MACROD2: variants seen among roughly 807,000 people sequenced by gnomAD.
MACROD2 encodes the protein mono-ADP ribosylhydrolase 2, also known as ADP-ribose glycohydrolase MACROD2.
In MACROD2, 36 loss-of-function variants were observed where a neutral mutation model predicts 70.4. The ratio of observed to expected loss-of-function variants is 0.51; its 90% CI spans 0.39 to 0.68. The LOEUF is 0.68. Ranked by LOEUF, MACROD2 falls within the 30% of genes least tolerant of loss-of-function variation. The pLI is 0.00. For missense variants in MACROD2, 496 were observed against 538.4 expected (o/e 0.92, Z 0.78); for synonymous variants, 172 against 178.8 (o/e 0.96, Z 0.30).
intron 4 of MACROD2, among the ~76,000 whole-genome samples, chr20:14,587,721 T>C (rs1981478445): frequency 1.6e-5 from 2 of 124,070 alleles, no homozygotes; most frequent in African/African-American, 2.6e-5. Flanking sequence ...TTTATAATGT[T>C]GGACTATCCC....
intron 4 of MACROD2, among the ~76,000 whole-genome samples, chr20:14,527,224 C>T (rs2085244125): frequency 6.6e-6 from 1 of 152,136 alleles, no homozygotes; most frequent in South Asian, 2.1e-4. Context: ...CTGATGTGCT[C>T]CTCTCCATAT....
chr20:15,827,641 AG>A (rs1417199899), intron 8 of MACROD2, among the ~76,000 whole-genome samples: 1 of 152,076 alleles, frequency 6.6e-6, no homozygotes, highest in Non-Finnish European at 1.5e-5. Context: ...GATGGGGTTG[AG>A]GGGGGACTTT....
chr20:15,465,104 T>C (rs115469235), intron 7 of MACROD2, among the ~76,000 whole-genome samples: 1,775 of 152,268 alleles, frequency 0.012, 33 homozygotes, highest in African/African-American at 0.04. Context: ...CAATACTCTA[T>C]ATAGGTAGAG....
chr20:14,036,952 G>A (rs2053319765), intron 2 of MACROD2, among the ~76,000 whole-genome samples: 1 of 152,318 alleles, frequency 6.6e-6, no homozygotes, highest in South Asian at 2.1e-4. Flanking sequence ...GCGTTTTGTG[G>A]TAAAGTTACA....
At chr20:14,334,445 T>C (rs1197387668) in intron 3 of MACROD2, among the ~76,000 whole-genome samples, 2 of 152,330 alleles carry the variant, frequency 1.3e-5, no homozygotes, top group Non-Finnish European at 2.9e-5. Flanking sequence ...TCCCTTTTTA[T>C]GCTCTGAAGA....
intron 10 of MACROD2, among the ~76,000 whole-genome samples, chr20:15,907,170 G>C (rs1278840705): frequency 6.6e-6 from 1 of 152,208 alleles, no homozygotes; most frequent in Non-Finnish European, 1.5e-5. Flanking sequence ...TCTTTTAGTA[G>C]AGAAGCGTAT....
At chr20:14,919,870 C>A (rs1161108366) in intron 5 of MACROD2, among the ~76,000 whole-genome samples, 2 of 152,196 alleles carry the variant, frequency 1.3e-5, no homozygotes, top group Non-Finnish European at 2.9e-5. Context: ...TGCCGTGGCC[C>A]CATTAGCCCC....
At chr20:14,966,260 C>T (rs562780646) in intron 5 of MACROD2, among the ~76,000 whole-genome samples, 364 of 152,200 alleles carry the variant, frequency 2.4e-3, no homozygotes, top group African/African-American at 8.3e-3. Flanking sequence ...GTAAAGCATG[C>T]TAATCTTAAG....
intron 7 of MACROD2, among the ~76,000 whole-genome samples, chr20:15,476,498 G>A (rs1393450506): frequency 1.3e-5 from 2 of 152,118 alleles, no homozygotes; most frequent in Non-Finnish European, 2.9e-5. Context: ...TGATGATGTG[G>A]CCTCTCCTGA....
At chr20:15,782,274 C>T (rs778048932) in intron 8 of MACROD2, among the ~76,000 whole-genome samples, 2 of 152,066 alleles carry the variant, frequency 1.3e-5, no homozygotes, top group Non-Finnish European at 2.9e-5. Context: ...ATGTCTGTTG[C>T]TGTTTAACAA....
chr20:15,635,881 A>G (rs978228927), intron 8 of MACROD2, among the ~76,000 whole-genome samples: 1 of 152,032 alleles, frequency 6.6e-6, no homozygotes, highest in South Asian at 2.1e-4. Flanking sequence ...CAGCCTGGCC[A>G]ACATGGCAAA....
At chr20:15,629,357 C>T (rs1205401539) in intron 8 of MACROD2, among the ~76,000 whole-genome samples, 1 of 152,154 alleles carries the variant, frequency 6.6e-6, no homozygotes, top group East Asian at 1.9e-4. Context: ...CGTCTCTCTC[C>T]CACTGCATCA....
intron 5 of MACROD2, among the ~76,000 whole-genome samples, chr20:15,016,564 CAA>C (rs1204789140): frequency 6.6e-6 from 1 of 152,122 alleles, no homozygotes; most frequent in Non-Finnish European, 1.5e-5. Flanking sequence ...TTCCTTCACA[CAA>C]GAGTTGGTTG....
At chr20:15,796,938 T>G in intron 8 of MACROD2, among the ~76,000 whole-genome samples, 1 of 151,802 alleles carries the variant, frequency 6.6e-6, no homozygotes, top group Non-Finnish European at 1.5e-5. Context: ...GAGCTAGGAG[T>G]GTGTTTGACT....
chr20:15,463,147 A>G (rs1012358953), intron 7 of MACROD2, among the ~76,000 whole-genome samples: 3 of 152,202 alleles, frequency 2.0e-5, no homozygotes, highest in Admixed American at 6.5e-5. Context: ...ATGGTTAATG[A>G]GTTGGGAAGC....
chr20:14,080,244 C>T (rs2053971551), intron 2 of MACROD2, among the ~76,000 whole-genome samples: 1 of 151,938 alleles, frequency 6.6e-6, no homozygotes, highest in South Asian at 2.1e-4. Flanking sequence ...AAGATCAAGA[C>T]CATCCTGGCT....
chr20:15,302,383 T>G (rs56271877), intron 6 of MACROD2, among the ~76,000 whole-genome samples: 1 of 77,614 alleles, frequency 1.3e-5, no homozygotes, highest in Non-Finnish European at 2.9e-5. Flanking sequence ...CACACACACA[T>G]ACACACATAC....
intron 8 of MACROD2, among the ~76,000 whole-genome samples, chr20:15,600,686 C>T (rs112119607): frequency 0.011 from 1,658 of 152,230 alleles, 22 homozygotes; most frequent in African/African-American, 0.038. Context: ...ATCAGAAGCT[C>T]AGAGGAGACA....
intron 6 of MACROD2, among the ~76,000 whole-genome samples, chr20:15,248,840 A>T (rs2021914): frequency 0.17 from 25,543 of 152,112 alleles, 2,511 homozygotes; most frequent in African/African-American, 0.27. Flanking sequence ...CTCCCCCACA[A>T]GAACTCTCAT....
Sources: gnomAD v4.1 joint callset for allele counts (sites outside exome capture counted in the v4.1 genomes callset) on GRCh38, gnomAD v4.1.1 for gene constraint, MANE v1.5 for transcripts, NCBI Gene and HGNC (gene_info 2026-07-23, HGNC 2026-07-21) for gene names.